CDKAL1: variants seen among roughly 807,000 people sequenced by gnomAD.
CDKAL1 encodes threonylcarbamoyladenosine tRNA methylthiotransferase.
CDKAL1 carries 32 observed loss-of-function variants against 68.2 expected under a neutral mutation model. The observed-to-expected ratio is 0.47, with a 90% confidence interval of 0.35 to 0.63. CDKAL1 has a LOEUF of 0.63. Among genes scored for constraint, CDKAL1 ranks in the 30% least tolerant of loss-of-function variants. CDKAL1 has a pLI of 0.00. For synonymous variants in CDKAL1, 234 were observed against 244.3 expected (o/e 0.96, Z 0.39); for missense variants, 606 against 696.7 (o/e 0.87, Z 1.47).
At chr6:20,966,954 T>C (rs1052019843) in intron 10 of CDKAL1, among the ~76,000 whole-genome samples, 10 of 152,210 alleles carry the variant, frequency 6.6e-5, no homozygotes, top group Admixed American at 5.9e-4. Context: ...GGTTTATCTG[T>C]TGTAACAAAG....
intron 4 of CDKAL1, among the ~76,000 whole-genome samples, chr6:20,581,146 C>T (rs1029705827): frequency 6.6e-6 from 1 of 152,162 alleles, no homozygotes; most frequent in African/African-American, 2.4e-5. Context: ...TGTAGCTTGG[C>T]CTCCAGAGCC....
chr6:21,142,787 G>A (rs564444936), intron 13 of CDKAL1, among the ~76,000 whole-genome samples: 4 of 152,300 alleles, frequency 2.6e-5, no homozygotes, highest in South Asian at 2.1e-4. Context: ...GCAAGGCAAC[G>A]TTACTTTTAC....
chr6:20,982,687 TC>T (rs1766218969), intron 10 of CDKAL1, among the ~76,000 whole-genome samples: 1 of 151,728 alleles, frequency 6.6e-6, no homozygotes, highest in Admixed American at 6.6e-5. Flanking sequence ...TCAAATGACT[TC>T]TTCTGTTAAC....
At chr6:20,715,990 A>G (rs938615699) in intron 5 of CDKAL1, among the ~76,000 whole-genome samples, 1 of 152,184 alleles carries the variant, frequency 6.6e-6, no homozygotes, top group African/African-American at 2.4e-5. Flanking sequence ...AGGTAAGAAG[A>G]CGAATGAGAA....
At chr6:21,174,347 T>G (rs954644425) in intron 13 of CDKAL1, among the ~76,000 whole-genome samples, 2 of 152,170 alleles carry the variant, frequency 1.3e-5, no homozygotes, top group African/African-American at 4.8e-5. Context: ...ATAATCTTAG[T>G]CAAAAGTTCA....
In CDKAL1 at chr6:20,582,222, A is replaced by G. The variant is rs6908077; in HGVS notation, c.286+33517A>G. On this transcript the variant is annotated intron_variant, in intron 4 of 15. Coordinates refer to ENST00000274695, the MANE Select transcript of CDKAL1 (RefSeq NM_017774.3). ...GCTGAGGGATACAATTAAAAAATAG[A>G]AAAGATTTGATTCTTGTCTTTATTT... Among the ~76,000 whole-genome samples, 969 of 152,252 alleles carry G rather than the reference A, an allele frequency of 6.4e-3. 7 individuals are homozygous for G. The highest frequency in any genetic ancestry group is 0.021 in the African/African-American group (890 of 41,552).
rs1554162605 is a variant in CDKAL1 at position 20,609,262 on chromosome 6, T to TTCC, written c.287-40023_287-40021dup. ...TTCCTTCCTTCTTCTTCCTCCTTCC[T>TTCC]TCCTCCTCCTTCTCCTCCTTCTCCT... On this transcript the variant is annotated intron_variant, in intron 4 of 15. Transcript: ENST00000274695. Among the ~76,000 whole-genome samples the TTCC allele has an allele frequency of 8.3e-3, 206 of 24,848 alleles. 2 individuals are homozygous for TTCC. The highest frequency in any genetic ancestry group is 0.019 in the Admixed American group (42 of 2,270). 16.3% of individuals were successfully genotyped at this position (24,848 alleles called of 152,430 possible).
At chr6:20,535,535 C>T (rs918714558) in intron 2 of CDKAL1, 141 bp downstream of exon 2, 1 of 152,170 alleles carries the variant, frequency 6.6e-6, no homozygotes, top group African/African-American at 2.4e-5. Flanking sequence ...AGCATTAAAT[C>T]GAAGAGATAT....
chr6:21,156,722 A>G (rs942335914), intron 13 of CDKAL1, among the ~76,000 whole-genome samples: 11 of 152,094 alleles, frequency 7.2e-5, no homozygotes, highest in African/African-American at 2.7e-4. Flanking sequence ...ATCAACTCTG[A>G]GCTGCAGCCA....
intron 5 of CDKAL1, among the ~76,000 whole-genome samples, chr6:20,652,675 T>A (rs1406653367): frequency 1.3e-5 from 2 of 152,178 alleles, no homozygotes; most frequent in Non-Finnish European, 2.9e-5. Context: ...AAAATTCTTC[T>A]CTTCTTAATT....
chr6:20,784,124 A>G (rs1487332112), intron 8 of CDKAL1, among the ~76,000 whole-genome samples: 1 of 151,722 alleles, frequency 6.6e-6, no homozygotes, highest in African/African-American at 2.4e-5. Context: ...GAGGCAGGGG[A>G]ATCACTTGAA....
chr6:20,704,083 G>A (rs1345065556), intron 5 of CDKAL1, among the ~76,000 whole-genome samples: 1 of 152,076 alleles, frequency 6.6e-6, no homozygotes, highest in African/African-American at 2.4e-5. Flanking sequence ...ACTGTTTGAG[G>A]CTCTGGGATT....
chr6:20,752,244 T>G (rs1773956230), intron 6 of CDKAL1, among the ~76,000 whole-genome samples: 1 of 152,044 alleles, frequency 6.6e-6, no homozygotes. Flanking sequence ...TTACATTTTT[T>G]TTTTAAATTT....
intron 8 of CDKAL1, among the ~76,000 whole-genome samples, chr6:20,844,741 AGT>A (rs1778312392): frequency 6.6e-6 from 1 of 152,014 alleles, no homozygotes; most frequent in African/African-American, 2.4e-5. Flanking sequence ...TATCGACAAC[AGT>A]GTCTGATGCT....
chr6:20,780,099 T>TAAAA (rs745598145), intron 7 of CDKAL1, among the ~76,000 whole-genome samples: 3 of 89,178 alleles, frequency 3.4e-5, no homozygotes, highest in African/African-American at 8.2e-5. Context: ...AACCTAACCT[T>TAAAA]AAAAAAAAAA....
intron 11 of CDKAL1, among the ~76,000 whole-genome samples, chr6:21,005,117 G>A (rs1020867851): frequency 1.3e-5 from 2 of 151,490 alleles, no homozygotes; most frequent in African/African-American, 4.9e-5. Context: ...CTTTTTTCAT[G>A]TGTTTTTGAG....
intron 8 of CDKAL1, among the ~76,000 whole-genome samples, chr6:20,796,058 T>C (rs1373258524): frequency 2.0e-5 from 3 of 152,092 alleles, no homozygotes; most frequent in Non-Finnish European, 2.9e-5. Flanking sequence ...TTTATGAAAA[T>C]ACAGAAAGAA....
At chr6:20,801,464 C>A (rs1259354471) in intron 8 of CDKAL1, among the ~76,000 whole-genome samples, 2 of 151,858 alleles carry the variant, frequency 1.3e-5, no homozygotes, top group African/African-American at 4.8e-5. Context: ...TCATATCTTT[C>A]TTCATCCATT....
At chr6:20,633,772 G>T (rs1166808827) in intron 4 of CDKAL1, among the ~76,000 whole-genome samples, 1 of 152,144 alleles carries the variant, frequency 6.6e-6, no homozygotes, top group East Asian at 1.9e-4. Context: ...TTCCCCAATG[G>T]CTAGTGATGT....
Sources: allele counts gnomAD v4.1 joint callset (sites outside exome capture counted in the v4.1 genomes callset), GRCh38; gene constraint gnomAD v4.1.1; transcripts MANE v1.5; gene names NCBI Gene and HGNC (gene_info 2026-07-23, HGNC 2026-07-21).